ADD1: variants seen among roughly 807,000 people sequenced by gnomAD.
ADD1 encodes the protein alpha-adducin.
In ADD1, 24 loss-of-function variants were observed where a neutral mutation model predicts 80.5. The observed-to-expected ratio is 0.30, with a 90% confidence interval of 0.22 to 0.42. The LOEUF (loss-of-function observed/expected upper bound fraction) is 0.42. Among genes scored for constraint, ADD1 ranks in the 10% least tolerant of loss-of-function variants. The pLI, the probability that ADD1 is intolerant of heterozygous loss-of-function variation, is 1.00. For synonymous variants in ADD1, 373 were observed against 393.8 expected (o/e 0.95, Z 0.63); for missense variants, 948 against 1,019.0 (o/e 0.93, Z 0.95).
rs1245983137 is a variant in ADD1, at chr4:2,907,784, C to T, written c.1548C>T (p.Val516=). The T allele has an allele frequency of 6.2e-7, 1 of 1,614,108 alleles. No individual in the cohort carries two copies. The highest frequency in any genetic ancestry group is 8.5e-7 in the Non-Finnish European group (1 of 1,180,028). Residue 516 remains valine (V), a synonymous_variant, in exon 11 of 16, where the codon GTC becomes GTT. Coordinates refer to ENST00000683351, the MANE Select transcript of ADD1 (RefSeq NM_001354761.2). ...GACATAGAACTTCCACCTCTGCTGT[C>T]CCTAACCTGTTTGTTCCATTGAACA... is the stretch of plus-strand genomic sequence containing the variant. The part of the protein sequence containing the change: ...EDGHRTSTSA[V]PNLFVPLNTN...
At chr4:2,869,857 T>G (rs939555791) in intron 1 of ADD1, among the ~76,000 whole-genome samples, 1 of 152,066 alleles carries the variant, frequency 6.6e-6, no homozygotes, top group African/African-American at 2.4e-5. Context: ...CTCTCTGGAG[T>G]CGGGTGCCAG....
chr4:2,899,065 C>T, intron 8 of ADD1, 194 bp from the exon 9 acceptor site: 1 of 608,350 alleles, frequency 1.6e-6, no homozygotes, highest in Non-Finnish European at 2.8e-6. Context: ...ACTTTGGTGC[C>T]CAATATTTTT....
chr4:2,888,403 T>A (rs1475909028), intron 4 of ADD1, among the ~76,000 whole-genome samples: 1 of 95,142 alleles, frequency 1.1e-5, no homozygotes, highest in Non-Finnish European at 2.1e-5. Context: ...ATAATGAAAT[T>A]ATTATTATTA....
intron 1 of ADD1, among the ~76,000 whole-genome samples, chr4:2,848,902 C>T (rs1726657816): frequency 1.3e-5 from 2 of 152,148 alleles, no homozygotes; most frequent in Non-Finnish European, 2.9e-5. Context: ...AGAATAATTG[C>T]ACTTTTCATT....
intron 4 of ADD1, among the ~76,000 whole-genome samples, chr4:2,891,274 G>A (rs1734259709): frequency 6.6e-6 from 1 of 152,066 alleles, no homozygotes; most frequent in African/African-American, 2.4e-5. Flanking sequence ...CTGACGTGGT[G>A]AAACCCCGTC....
intron 1 of ADD1, among the ~76,000 whole-genome samples, chr4:2,851,800 G>T (rs1727118442): frequency 6.6e-6 from 1 of 152,072 alleles, no homozygotes; most frequent in Non-Finnish European, 1.5e-5. Flanking sequence ...CCAGTCTTTA[G>T]GGGGGAAATA....
At chr4:2,905,232 TTCTTGTAG>T in intron 10 of ADD1, 124 bp downstream of exon 10, 1 of 855,760 alleles carries the variant, frequency 1.2e-6, no homozygotes, top group South Asian at 1.7e-5. Context: ...CTTATTCACT[TTCTTGTAG>T]TCTGAACCTA....
chr4:2,914,774 T>TCTGCTCCTGGAAAGCCTC (rs1738697176), intron 13 of ADD1, 110 bp from the exon 14 acceptor site: 1 of 1,316,050 alleles, frequency 7.6e-7, no homozygotes, highest in African/African-American at 1.5e-5. Flanking sequence ...CTCAGGGGTC[T>TCTGCTCCTGGAAAGCCTC]CTGCTCCTGG....
chr4:2,916,193 TA>T (rs1390562337), intron 14 of ADD1, among the ~76,000 whole-genome samples: 2 of 148,488 alleles, frequency 1.3e-5, no homozygotes, highest in African/African-American at 4.9e-5. Flanking sequence ...TTATTATTAT[TA>T]TTATTATTAT....
chr4:2,906,781 G>A (rs770266914), intron 10 of ADD1, among the ~76,000 whole-genome samples: 3 of 152,194 alleles, frequency 2.0e-5, no homozygotes, highest in Non-Finnish European at 4.4e-5. Context: ...CCATCAGTGA[G>A]TACCCAGAGC....
intron 4 of ADD1, among the ~76,000 whole-genome samples, chr4:2,892,263 T>C (rs952083244): frequency 1.3e-5 from 2 of 152,206 alleles, no homozygotes; most frequent in African/African-American, 2.4e-5. Context: ...CGACCCTAGT[T>C]AGGATTCTGG....
chr4:2,878,445 G>A (rs1227450337), intron 2 of ADD1, among the ~76,000 whole-genome samples: 3 of 152,124 alleles, frequency 2.0e-5, no homozygotes, highest in Non-Finnish European at 4.4e-5. Context: ...GGATAGCACC[G>A]AGACTTTTGG....
In ADD1 at chr4:2,914,919, A is replaced by G; in HGVS notation, c.1827A>G (p.Glu609=). The G allele has an allele frequency of 6.2e-7, 1 of 1,613,708 alleles. No individual in the cohort carries two copies. The highest frequency in any genetic ancestry group is 8.5e-7 in the Non-Finnish European group (1 of 1,179,824). ...ELVTASKAII[E]KEYQPHVIVS... is the part of the protein sequence containing the mutation. ...TGACGGCCTCCAAGGCCATCATTGA[A>G]AAGGAGTACCAGCCCCACGTCATTG... Residue 609 remains glutamate (E), a synonymous_variant, in exon 14 of 16, where the codon GAA becomes GAG. Transcript: ENST00000683351.
At chr4:2,928,087 T>C (rs1553854916) in intron 15 of ADD1, 84 bp from the exon 16 acceptor site, 1 of 1,229,520 alleles carries the variant, frequency 8.1e-7, no homozygotes, top group Non-Finnish European at 1.2e-6. Context: ...AATGGCAGTT[T>C]CGTGTGTGGG....
chr4:2,852,190 CTTT>C (rs1275285913), intron 1 of ADD1, among the ~76,000 whole-genome samples: 2,411 of 11,490 alleles, frequency 0.21, 30 homozygotes, highest in Middle Eastern at 0.42. Context: ...TTCTTTCTTT[CTTT>C]CTTTCCTTTC....
intron 1 of ADD1, among the ~76,000 whole-genome samples, chr4:2,848,466 TTTAA>T (rs1466632955): frequency 7.9e-5 from 12 of 152,140 alleles, no homozygotes; most frequent in African/African-American, 2.9e-4. Context: ...CATATATTTA[TTTAA>T]TTAATTTATT....
chr4:2,875,711 G>A (rs1731172574), intron 1 of ADD1, among the ~76,000 whole-genome samples, 185 bp from the exon 2 acceptor site: 1 of 152,164 alleles, frequency 6.6e-6, no homozygotes, highest in Admixed American at 6.5e-5. Context: ...TGGGAGGGTG[G>A]GAGGTGGTTG....
At chr4:2,908,991 G>A (rs1282158239) in intron 12 of ADD1, 7 of 442,602 alleles carry the variant, frequency 1.6e-5, no homozygotes, top group Non-Finnish European at 2.5e-5. Context: ...TGCTTGGGTT[G>A]CAGAGGGGTG....
intron 6 of ADD1, among the ~76,000 whole-genome samples, chr4:2,895,698 C>A (rs891075669): frequency 6.6e-6 from 1 of 152,140 alleles, no homozygotes; most frequent in Non-Finnish European, 1.5e-5. Flanking sequence ...CAAGCCTTAC[C>A]CCTTCTGGTG....
Sources: gnomAD v4.1 joint callset for allele counts (sites outside exome capture counted in the v4.1 genomes callset) on GRCh38, gnomAD v4.1.1 for gene constraint, MANE v1.5 for transcripts, NCBI Gene and HGNC (gene_info 2026-07-23, HGNC 2026-07-21) for gene names.